The following STPG2 variants were observed in gnomAD, a reference collection of about 807,000 sequenced individuals.
STPG2 encodes the protein sperm-tail PG-rich repeat-containing protein 2.
Under a neutral mutation model 54.2 loss-of-function variants are expected in STPG2, and 56 were observed. The ratio of observed to expected loss-of-function variants is 1.03; its 90% confidence interval spans 0.83 to 1.29. The LOEUF (loss-of-function observed/expected upper bound fraction) is 1.29. Ranked by LOEUF, STPG2 falls within the 50% of genes most tolerant of loss-of-function variation. The probability of loss-of-function intolerance (pLI) is 0.00; values close to 1 mark genes in which losing one functional copy is unlikely to be tolerated. For missense variants in STPG2, 596 were observed against 544.9 expected (o/e 1.09, Z -0.93); for synonymous variants, 200 against 181.8 (o/e 1.10, Z -0.81).
intron 10 of STPG2, among the ~76,000 whole-genome samples, chr4:97,646,832 C>A (rs964728754): frequency 6.6e-6 from 1 of 152,044 alleles, no homozygotes; most frequent in Non-Finnish European, 1.5e-5. Flanking sequence ...CTAAGTAATG[C>A]CTCTGTCTAG....
chr4:97,799,439 T>C (rs184218433), intron 9 of STPG2, among the ~76,000 whole-genome samples: 46 of 152,352 alleles, frequency 3.0e-4, no homozygotes, highest in Non-Finnish European at 4.8e-4. Context: ...CCTTCACTTA[T>C]GAAACTTTGT....
At chr4:97,658,771 A>G (rs537131219) in intron 10 of STPG2, among the ~76,000 whole-genome samples, 1 of 152,320 alleles carries the variant, frequency 6.6e-6, no homozygotes, top group Non-Finnish European at 1.5e-5. Context: ...AAAGTTACAT[A>G]CACATGTATA....
At chr4:97,737,909 C>T (rs7694981) in intron 9 of STPG2, among the ~76,000 whole-genome samples, 127,547 of 151,986 alleles carry the variant, frequency 0.84, 53,689 homozygotes, top group Middle Eastern at 0.95. Flanking sequence ...CACAAAATTG[C>T]CAGATTCACC....
intron 9 of STPG2, among the ~76,000 whole-genome samples, chr4:97,757,507 ATCT>A (rs1272414100): frequency 2.6e-5 from 4 of 152,172 alleles, no homozygotes; most frequent in African/African-American, 9.7e-5. Context: ...AGTCCTTGAA[ATCT>A]TCTTTAGGTC....
At chr4:98,017,568 T>C (rs1484614853) in intron 5 of STPG2, among the ~76,000 whole-genome samples, 1 of 152,242 alleles carries the variant, frequency 6.6e-6, no homozygotes, top group Non-Finnish European at 1.5e-5. Flanking sequence ...CCCTCTTTAA[T>C]GCATCTTTTC....
chr4:97,713,836 C>A (rs575804628), intron 9 of STPG2, among the ~76,000 whole-genome samples: 1 of 152,060 alleles, frequency 6.6e-6, no homozygotes, highest in Non-Finnish European at 1.5e-5. Flanking sequence ...GATAGGGAGA[C>A]GTAATTTTTT....
intron 4 of STPG2, among the ~76,000 whole-genome samples, chr4:97,531,026 T>C (rs1196057323): frequency 6.6e-6 from 1 of 152,150 alleles, no homozygotes; most frequent in Non-Finnish European, 1.5e-5. Flanking sequence ...TATAATCTGA[T>C]TTAAAAATGG....
At chr4:97,891,051 T>A (rs1265734435) in intron 8 of STPG2, among the ~76,000 whole-genome samples, 1 of 151,936 alleles carries the variant, frequency 6.6e-6, no homozygotes, top group Admixed American at 6.6e-5. Context: ...GTGCTAGAAA[T>A]AATTGTCTCT....
At chr4:97,725,370 T>C (rs913184614) in intron 9 of STPG2, among the ~76,000 whole-genome samples, 3 of 149,334 alleles carry the variant, frequency 2.0e-5, no homozygotes, top group African/African-American at 7.4e-5. Context: ...TGATAAGAAA[T>C]AGCCACATGA....
At chr4:97,913,943 A>C (rs1177863430) in intron 8 of STPG2, among the ~76,000 whole-genome samples, 3 of 152,176 alleles carry the variant, frequency 2.0e-5, no homozygotes, top group African/African-American at 7.2e-5. Context: ...AATCAGAAAT[A>C]ACATAAAATT....
At chr4:97,938,455 A>ACTGCCTTTCCCCC (rs374685227) in intron 8 of STPG2, among the ~76,000 whole-genome samples, 125,261 of 151,724 alleles carry the variant, frequency 0.83, 51,915 homozygotes, top group Middle Eastern at 0.94. Context: ...CACAGTGACT[A>ACTGCCTTTCCCCC]AGTCAGAAGG....
At chr4:97,710,468 T>C (rs919927295) in intron 10 of STPG2, among the ~76,000 whole-genome samples, 1 of 152,082 alleles carries the variant, frequency 6.6e-6, no homozygotes, top group Non-Finnish European at 1.5e-5. Flanking sequence ...CAGTTGGGGA[T>C]CCTTTGTGGA....
chr4:97,940,379 T>A (rs955945198), intron 8 of STPG2, among the ~76,000 whole-genome samples: 3 of 152,208 alleles, frequency 2.0e-5, no homozygotes, highest in African/African-American at 7.2e-5. Context: ...ATGGATTATA[T>A]CCTTAAATAT....
intron 5 of STPG2, among the ~76,000 whole-genome samples, chr4:98,023,596 G>A: frequency 6.6e-6 from 1 of 152,190 alleles, no homozygotes; most frequent in Non-Finnish European, 1.5e-5. Context: ...AGAGGTTACT[G>A]CTGTCTTTTT....
intron 4 of STPG2, among the ~76,000 whole-genome samples, chr4:97,493,638 G>A (rs770271255): frequency 1.1e-4 from 16 of 151,504 alleles, no homozygotes; most frequent in Non-Finnish European, 2.2e-4. Context: ...AATGTACTTA[G>A]TTCTGGCTAA....
intron 9 of STPG2, among the ~76,000 whole-genome samples, chr4:97,811,514 C>T (rs1254432923): frequency 6.6e-6 from 1 of 150,650 alleles, no homozygotes; most frequent in Non-Finnish European, 1.5e-5. Flanking sequence ...CTAAAAAATA[C>T]AGTATTCTCA....
intron 5 of STPG2, among the ~76,000 whole-genome samples, chr4:98,014,376 G>A (rs113606059): frequency 0.061 from 9,300 of 152,146 alleles, 379 homozygotes; most frequent in South Asian, 0.097. Flanking sequence ...CAGGTGGGCT[G>A]CGGCAACACA....
chr4:97,500,242 A>C (rs1356666558), intron 4 of STPG2, among the ~76,000 whole-genome samples: 2 of 152,040 alleles, frequency 1.3e-5, no homozygotes, highest in African/African-American at 4.8e-5. Context: ...TGAGGGTGTA[A>C]AAGAAGTGAG....
At chr4:98,103,033 A>C (rs1739089835) in intron 5 of STPG2, among the ~76,000 whole-genome samples, 1 of 151,572 alleles carries the variant, frequency 6.6e-6, no homozygotes, top group Non-Finnish European at 1.5e-5. Context: ...CACAATAATT[A>C]AAATACATAC....
Sources: allele counts gnomAD v4.1 joint callset (sites outside exome capture counted in the v4.1 genomes callset), GRCh38; gene constraint gnomAD v4.1.1; transcripts MANE v1.5; gene names NCBI Gene and HGNC (gene_info 2026-07-23, HGNC 2026-07-21).